The following EYS variants were observed in gnomAD, a reference collection of about 807,000 sequenced individuals.
EYS encodes EGF-like photoreceptor maintenance factor, also known as protein eyes shut homolog.
In EYS, 250 loss-of-function variants were observed where a neutral mutation model predicts 282.1. That is an observed-to-expected ratio of 0.89 (90% confidence interval 0.80 to 0.98). The LOEUF is 0.98. Ranked by LOEUF, EYS falls within the 50% of genes least tolerant of loss-of-function variation. EYS has a pLI of 0.00. For missense variants in EYS, 4,016 were observed against 3,709.0 expected (o/e 1.08, Z -2.15); for synonymous variants, 1,355 against 1,282.9 (o/e 1.06, Z -1.20).
At chr6:64,300,792 C>A (rs1327221654) in intron 30 of EYS, among the ~76,000 whole-genome samples, 1 of 152,158 alleles carries the variant, frequency 6.6e-6, no homozygotes, top group Non-Finnish European at 1.5e-5. Context: ...GCTTCTATAC[C>A]ATTCCATTAG....
intron 13 of EYS, among the ~76,000 whole-genome samples, chr6:65,025,007 A>G (rs924220256): frequency 5.3e-5 from 8 of 152,348 alleles, no homozygotes; most frequent in African/African-American, 1.9e-4. Flanking sequence ...TTATTCTCAT[A>G]TAATGAAACT....
intron 35 of EYS, among the ~76,000 whole-genome samples, chr6:63,919,530 G>C (rs889410856): frequency 2.6e-5 from 4 of 152,070 alleles, no homozygotes; most frequent in African/African-American, 9.7e-5. Context: ...ATGTAGACAA[G>C]AGAGTTTGGA....
intron 14 of EYS, among the ~76,000 whole-genome samples, chr6:64,989,050 C>A (rs954048510): frequency 6.6e-6 from 1 of 151,286 alleles, no homozygotes; most frequent in African/African-American, 2.4e-5. Flanking sequence ...ATGGGACAGG[C>A]ATTATGTTAT....
intron 13 of EYS, among the ~76,000 whole-genome samples, chr6:64,998,986 A>G (rs1771366996): frequency 6.6e-6 from 1 of 152,234 alleles, no homozygotes; most frequent in Admixed American, 6.5e-5. Context: ...TATAAATTAC[A>G]TTAAACGCAA....
chr6:63,772,505 ACAATAT>A (rs1254973998), intron 40 of EYS, among the ~76,000 whole-genome samples: 1 of 152,150 alleles, frequency 6.6e-6, no homozygotes, highest in Non-Finnish European at 1.5e-5. Context: ...TTTTAAAATA[ACAATAT>A]CAATGTTACC....
intron 8 of EYS, among the ~76,000 whole-genome samples, chr6:65,371,984 G>A (rs1252358737): frequency 1.9e-5 from 2 of 104,904 alleles, no homozygotes; most frequent in African/African-American, 6.9e-5. Flanking sequence ...CTCTTGTTGA[G>A]GATAATTGTA....
intron 31 of EYS, among the ~76,000 whole-genome samples, chr6:64,131,412 G>A (rs1773974754): frequency 6.6e-6 from 1 of 152,004 alleles, no homozygotes. Context: ...TGATACACTT[G>A]CAAATCGTGG....
At chr6:64,833,312 G>A (rs1030056790) in intron 19 of EYS, among the ~76,000 whole-genome samples, 1 of 151,788 alleles carries the variant, frequency 6.6e-6, no homozygotes, top group Admixed American at 6.6e-5. Context: ...GTGTAGCTAG[G>A]AAAACATTTT....
At chr6:65,057,490 C>G (rs1186389924) in intron 13 of EYS, 124 bp downstream of exon 13, 4 of 710,522 alleles carry the variant, frequency 5.6e-6, no homozygotes, top group Non-Finnish European at 1.0e-5. Context: ...ACTTTAGAAG[C>G]TGACTTTAAG....
chr6:64,135,233 C>T (rs978256417), intron 31 of EYS, among the ~76,000 whole-genome samples: 3 of 151,238 alleles, frequency 2.0e-5, no homozygotes, highest in Non-Finnish European at 4.4e-5. Context: ...AACAGAAAAA[C>T]AAAGTTAGAC....
intron 42 of EYS, among the ~76,000 whole-genome samples, chr6:63,724,494 G>A (rs1384577266): frequency 1.3e-5 from 2 of 152,052 alleles, no homozygotes; most frequent in Non-Finnish European, 2.9e-5. Flanking sequence ...TTTTATACAC[G>A]TTGGGAGGAT....
chr6:65,016,922 A>G (rs753723116), intron 13 of EYS, among the ~76,000 whole-genome samples: 5 of 152,322 alleles, frequency 3.3e-5, no homozygotes, highest in Non-Finnish European at 5.9e-5. Flanking sequence ...GTGGTAATGG[A>G]CATTGTATAT....
At chr6:65,347,282 G>C (rs535053057) in intron 9 of EYS, among the ~76,000 whole-genome samples, 74 of 151,608 alleles carry the variant, frequency 4.9e-4, no homozygotes, top group Non-Finnish European at 9.2e-4. Context: ...ACATATTTAG[G>C]GATACTCTCT....
chr6:65,288,429 C>T (rs1445986457), intron 12 of EYS, among the ~76,000 whole-genome samples: 15 of 149,944 alleles, frequency 1.0e-4, no homozygotes, highest in Admixed American at 4.7e-4. Context: ...ACTAAGAATA[C>T]GAGATAGATA....
chr6:64,054,983 C>G (rs958651554), intron 33 of EYS, among the ~76,000 whole-genome samples: 1 of 152,160 alleles, frequency 6.6e-6, no homozygotes, highest in Admixed American at 6.5e-5. Flanking sequence ...ACTTATTTAT[C>G]CACCTCACAA....
intron 5 of EYS, among the ~76,000 whole-genome samples, chr6:65,468,361 A>G (rs1765083511): frequency 6.6e-6 from 1 of 152,140 alleles, no homozygotes; most frequent in Admixed American, 6.6e-5. Context: ...CTTTGCTATT[A>G]TTCCCACTAA....
At chr6:64,279,284 A>C (rs1269634116) in intron 30 of EYS, among the ~76,000 whole-genome samples, 1 of 152,250 alleles carries the variant, frequency 6.6e-6, no homozygotes, top group South Asian at 2.1e-4. Flanking sequence ...TTTGTAATAT[A>C]TACATTGTGG....
intron 29 of EYS, among the ~76,000 whole-genome samples, chr6:64,320,681 T>G (rs932740093): frequency 7.3e-5 from 7 of 96,096 alleles, no homozygotes; most frequent in Non-Finnish European, 1.3e-4. Flanking sequence ...TTACTGGTTT[T>G]CTTTGAGTCA....
At chr6:64,703,334 T>C (rs900714279) in intron 22 of EYS, among the ~76,000 whole-genome samples, 5 of 148,418 alleles carry the variant, frequency 3.4e-5, no homozygotes, top group Admixed American at 1.4e-4. Flanking sequence ...TATGTATGTA[T>C]ACTGGAGGTT....
Sources: gnomAD v4.1 joint callset for allele counts (sites outside exome capture counted in the v4.1 genomes callset) on GRCh38, gnomAD v4.1.1 for gene constraint, MANE v1.5 for transcripts, NCBI Gene and HGNC (gene_info 2026-07-23, HGNC 2026-07-21) for gene names.